ROBO2: variants seen among roughly 807,000 people sequenced by gnomAD.
ROBO2 encodes the protein roundabout homolog 2.
Under a neutral mutation model 160.8 loss-of-function variants are expected in ROBO2, and 53 were observed. The observed-to-expected ratio is 0.33, with a 90% CI of 0.26 to 0.41. The LOEUF is 0.41. Ranked by LOEUF, ROBO2 falls within the 10% of genes least tolerant of loss-of-function variation. ROBO2 has a pLI of 1.00. For synonymous variants in ROBO2, 664 were observed against 611.7 expected (o/e 1.09, Z -1.26); for missense variants, 1,577 against 1,722.4 (o/e 0.92, Z 1.49).
intron 2 of ROBO2, among the ~76,000 whole-genome samples, chr3:76,632,720 CG>C (rs1418358786): frequency 1.1e-4 from 16 of 152,042 alleles, no homozygotes; most frequent in Non-Finnish European, 1.9e-4. Flanking sequence ...TCTCATTTAA[CG>C]AATTTCAAAA....
At chr3:76,808,122 A>G (rs2064877868) in intron 2 of ROBO2, among the ~76,000 whole-genome samples, 1 of 152,132 alleles carries the variant, frequency 6.6e-6, no homozygotes. Flanking sequence ...TGAATATATA[A>G]TATTACTTAG....
chr3:75,912,764 C>G (rs1576110792), intron 1 of ROBO2, among the ~76,000 whole-genome samples: 1 of 152,098 alleles, frequency 6.6e-6, no homozygotes, highest in Non-Finnish European at 1.5e-5. Context: ...GTGATAATTA[C>G]AGCAATAATA....
At chr3:77,284,200 A>T (rs2060431004) in intron 2 of ROBO2, among the ~76,000 whole-genome samples, 1 of 152,138 alleles carries the variant, frequency 6.6e-6, no homozygotes, top group Non-Finnish European at 1.5e-5. Flanking sequence ...CTGAGTAGTC[A>T]CAATAGACAG....
At chr3:77,563,394 C>A (rs1299102213) in intron 11 of ROBO2, 65 bp downstream of exon 12, 2 of 1,422,174 alleles carry the variant, frequency 1.4e-6, no homozygotes, top group Non-Finnish European at 9.9e-7. Flanking sequence ...AAAATGTCAC[C>A]TGAACTATCC....
intron 2 of ROBO2, among the ~76,000 whole-genome samples, chr3:76,757,049 A>T (rs1467975189): frequency 6.6e-6 from 1 of 151,818 alleles, no homozygotes; most frequent in Non-Finnish European, 1.5e-5. Context: ...AATTCTTTAT[A>T]TTTTTATAGT....
At chr3:76,035,028 A>G (rs561343461) in intron 2 of ROBO2, among the ~76,000 whole-genome samples, 6 of 152,134 alleles carry the variant, frequency 3.9e-5, no homozygotes, top group African/African-American at 1.4e-4. Context: ...ATCTGATGTG[A>G]ATCTTCTTTA....
intron 2 of ROBO2, among the ~76,000 whole-genome samples, chr3:77,432,932 A>G (rs890963407): frequency 3.3e-5 from 5 of 152,218 alleles, no homozygotes; most frequent in Admixed American, 6.5e-5. Context: ...CTCACAGGAC[A>G]TAGTCTAAGA....
intron 2 of ROBO2, among the ~76,000 whole-genome samples, chr3:76,152,543 C>T (rs1244899680): frequency 3.3e-5 from 5 of 151,852 alleles, no homozygotes; most frequent in Non-Finnish European, 7.4e-5. Context: ...GATTGTCCTT[C>T]TAATGTGTGC....
chr3:77,222,647 T>C (rs1262697482), intron 2 of ROBO2, among the ~76,000 whole-genome samples: 2 of 152,184 alleles, frequency 1.3e-5, no homozygotes, highest in Non-Finnish European at 2.9e-5. Flanking sequence ...AAAAACTATA[T>C]CTTCATATGC....
intron 2 of ROBO2, among the ~76,000 whole-genome samples, chr3:76,242,767 C>T (rs1413925320): frequency 6.6e-6 from 1 of 152,016 alleles, no homozygotes; most frequent in East Asian, 2.0e-4. Context: ...TGCCTGTGGT[C>T]CCAGCTAGCT....
intron 2 of ROBO2, among the ~76,000 whole-genome samples, chr3:76,282,382 G>T (rs1324458013): frequency 1.3e-5 from 2 of 151,860 alleles, no homozygotes; most frequent in African/African-American, 4.8e-5. Context: ...TAGTTGAGTT[G>T]GCTGGTTCAC....
chr3:76,156,278 C>A (rs1459281493), intron 2 of ROBO2, among the ~76,000 whole-genome samples: 1 of 151,924 alleles, frequency 6.6e-6, no homozygotes, highest in Non-Finnish European at 1.5e-5. Context: ...AGGAAGATTT[C>A]TTCTATGTGC....
At chr3:76,722,094 A>T (rs1261855972) in intron 2 of ROBO2, among the ~76,000 whole-genome samples, 1 of 152,200 alleles carries the variant, frequency 6.6e-6, no homozygotes, top group Non-Finnish European at 1.5e-5. Flanking sequence ...GGCAGGAAAG[A>T]GTGAACCAAC....
At chr3:76,351,792 A>G (rs2074892944) in intron 2 of ROBO2, among the ~76,000 whole-genome samples, 2 of 151,944 alleles carry the variant, frequency 1.3e-5, no homozygotes, top group South Asian at 4.1e-4. Context: ...CCTACTATTA[A>G]CTATGTGACT....
chr3:76,715,318 T>C (rs2093362346), intron 2 of ROBO2, among the ~76,000 whole-genome samples: 1 of 152,076 alleles, frequency 6.6e-6, no homozygotes, highest in African/African-American at 2.4e-5. Flanking sequence ...ACCACTAACA[T>C]CAACAAAACA....
At chr3:77,558,224 A>G in intron 9 of ROBO2, 75 bp downstream of exon 10, 1 of 1,219,236 alleles carries the variant, frequency 8.2e-7, no homozygotes, top group Non-Finnish European at 1.2e-6. Context: ...TGCATAGTGA[A>G]CTTAAAATCT....
chr3:77,134,839 T>C (rs1222432859), intron 2 of ROBO2, among the ~76,000 whole-genome samples: 1 of 152,218 alleles, frequency 6.6e-6, no homozygotes, highest in East Asian at 1.9e-4. Flanking sequence ...CCAGGACTCA[T>C]AACCCTTAAT....
chr3:77,012,166 T>TACAA (rs2061959501), intron 2 of ROBO2, among the ~76,000 whole-genome samples: 1 of 152,214 alleles, frequency 6.6e-6, no homozygotes, highest in Non-Finnish European at 1.5e-5. Context: ...AATGTTTTAT[T>TACAA]TGATACTTCG....
rs78084444 is a variant in ROBO2, at chr3:77,606,790, G to A, written c.3137-1008G>A. Among the ~76,000 whole-genome samples, 567 of 152,220 alleles carry A rather than the reference G, an allele frequency of 3.7e-3. 1 individual carries two copies. Among genetic ancestry groups the A allele is most frequent in the Non-Finnish European group, 5.3e-3 (359 of 68,004 alleles). ...CAAATAGTTTTTGCTCACAACTTGC[G>A]GTTCCAGAAAGATGAAGTCGAAAGA... On this transcript the variant is annotated intron_variant, in intron 20 of 25. Coordinates refer to ENST00000461745, the Ensembl canonical transcript of ROBO2.
Sources: allele counts gnomAD v4.1 joint callset (sites outside exome capture counted in the v4.1 genomes callset), GRCh38; gene constraint gnomAD v4.1.1; transcripts MANE v1.5; gene names NCBI Gene and HGNC (gene_info 2026-07-23, HGNC 2026-07-21).